Variants in CBLB observed in about 807,000 individuals in gnomAD.
CBLB encodes E3 ubiquitin-protein ligase CBL-B.
CBLB carries 31 observed loss-of-function variants against 104.9 expected under a neutral mutation model. The observed-to-expected ratio is 0.30, with a 90% CI of 0.22 to 0.40. The LOEUF (loss-of-function observed/expected upper bound fraction) is 0.40. Among genes scored for constraint, CBLB ranks in the 10% least tolerant of loss-of-function variants. The pLI, the probability that CBLB is intolerant of heterozygous loss-of-function variation, is 1.00. For missense variants in CBLB, 1,062 were observed against 1,214.6 expected (o/e 0.87, Z 1.87); for synonymous variants, 440 against 422.6 (o/e 1.04, Z -0.51).
At chr3:105,832,911 T>C (rs1228238826) in intron 3 of CBLB, among the ~76,000 whole-genome samples, 4 of 152,296 alleles carry the variant, frequency 2.6e-5, no homozygotes, top group Non-Finnish European at 4.4e-5. Context: ...GATAAAATAA[T>C]GTGTCAAAAC....
chr3:105,675,884 CAAA>C (rs71111383), intron 17 of CBLB, among the ~76,000 whole-genome samples: 10 of 81,878 alleles, frequency 1.2e-4, no homozygotes, highest in South Asian at 4.8e-4. Flanking sequence ...GACCCTGTCT[CAAA>C]AAAAAAAAAA....
In CBLB at chr3:105,868,951, A is replaced by T. The variant is rs987236025; in HGVS notation, c.-230T>A. ...CACACCCGCTCTCCCCTCCCGCCCG[A>T]CTCGGGGAGGCCGCGGGACGCCGCA... On this transcript the variant is annotated 5_prime_UTR_variant, in exon 1 of 19. Coordinates refer to ENST00000394030, the MANE Select transcript of CBLB (RefSeq NM_170662.5). 1.4e-5 allele frequency: 14 copies of T among 1,022,442 alleles called. No homozygotes were observed. Among genetic ancestry groups the T allele is most frequent in the African/African-American group, 1.7e-5 (1 of 57,250 alleles). 63.3% of individuals were successfully genotyped at this position (1,022,442 alleles called of 1,614,324 possible).
intron 3 of CBLB, among the ~76,000 whole-genome samples, chr3:105,808,385 T>G (rs1157843219): frequency 9.9e-5 from 15 of 152,234 alleles, no homozygotes; most frequent in African/African-American, 3.6e-4. Flanking sequence ...GTATTTGTTT[T>G]GTAGTCTTTA....
chr3:105,698,912 T>C (rs939653402), intron 12 of CBLB, among the ~76,000 whole-genome samples: 3 of 152,104 alleles, frequency 2.0e-5, no homozygotes, highest in African/African-American at 7.2e-5. Context: ...AAAAATCCTA[T>C]TTTAAATAAG....
In CBLB at chr3:105,658,727, T is replaced by G; in HGVS notation, c.*243A>C. The G allele has an allele frequency of 1.8e-6, 1 of 548,818 alleles. No individual in the cohort carries two copies. The highest frequency in any genetic ancestry group is 2.9e-5 in the East Asian group (1 of 34,344). 34.0% of individuals were successfully genotyped at this position (548,818 alleles called of 1,614,324 possible). ...AAAGTTCAAGGGAAGTAAACGTCTT[T>G]AAATTATTTTTGTCAGTTCAACCCT... On this transcript the variant is annotated 3_prime_UTR_variant, in exon 19 of 19. Coordinates refer to ENST00000394030, the MANE Select transcript of CBLB (RefSeq NM_170662.5).
At chr3:105,747,454 A>C (rs1012420195) in intron 5 of CBLB, among the ~76,000 whole-genome samples, 9 of 152,176 alleles carry the variant, frequency 5.9e-5, no homozygotes, top group African/African-American at 1.4e-4. Flanking sequence ...ACAAAGAATG[A>C]TTTAGTAATA....
intron 5 of CBLB, among the ~76,000 whole-genome samples, chr3:105,750,451 T>C (rs1024502012): frequency 6.6e-6 from 1 of 152,212 alleles, no homozygotes; most frequent in African/African-American, 2.4e-5. Context: ...AGAATCAATG[T>C]TACTTCAGAT....
chr3:105,753,604 G>A (rs2076782730), intron 4 of CBLB, among the ~76,000 whole-genome samples: 1 of 152,108 alleles, frequency 6.6e-6, no homozygotes, highest in Admixed American at 6.6e-5. Context: ...CTTCAGAACA[G>A]TATAAATTTT....
At chr3:105,861,354 T>C (rs371799496) in intron 2 of CBLB, among the ~76,000 whole-genome samples, 5 of 152,316 alleles carry the variant, frequency 3.3e-5, no homozygotes, top group East Asian at 3.9e-4. Context: ...TATTTCATGA[T>C]ATAAAAATTA....
chr3:105,752,128 T>C (rs1270886505), intron 4 of CBLB, among the ~76,000 whole-genome samples: 1 of 152,228 alleles, frequency 6.6e-6, no homozygotes, highest in East Asian at 1.9e-4. Flanking sequence ...TGATGTTTTC[T>C]GCAGAGATGA....
intron 3 of CBLB, among the ~76,000 whole-genome samples, chr3:105,837,661 T>C (rs889801315): frequency 2.6e-5 from 4 of 152,212 alleles, no homozygotes; most frequent in East Asian, 1.9e-4. Context: ...TGTCCAAGAA[T>C]GTTATTACAG....
In CBLB at chr3:105,866,645, T is replaced by C. The variant is rs551883744; in HGVS notation, c.168+765A>G. On this transcript the variant is annotated intron_variant, in intron 2 of 18. Coordinates refer to ENST00000394030, the MANE Select transcript of CBLB (RefSeq NM_170662.5). The stretch of plus-strand genomic sequence containing the variant: ...TAAGGTAGGATACTGACAGCTACAG[T>C]TTCTGAGTAAATCTCTGTAAGGTAT... Among the ~76,000 whole-genome samples, 3 of 152,342 alleles carry C rather than the reference T, an allele frequency of 2.0e-5. No homozygotes were observed. The East Asian group carries it at 5.8e-4, about 29-fold the overall frequency.
At chr3:105,834,668 A>AAAAAG (rs3049474) in intron 3 of CBLB, among the ~76,000 whole-genome samples, 136,880 of 151,778 alleles carry the variant, frequency 0.9, 62,139 homozygotes, top group Non-Finnish European at 0.96. Flanking sequence ...AAAAGAAAAG[A>AAAAAG]AAATCAAGTA....
At chr3:105,780,749 A>G (rs9288819) in intron 3 of CBLB, among the ~76,000 whole-genome samples, 146,636 of 148,650 alleles carry the variant, frequency 0.99, 72,350 homozygotes, top group Non-Finnish European at 1. Flanking sequence ...TGCCAGCTCC[A>G]CCTCCCAGGT....
At chr3:105,808,306 A>G (rs2083790719) in intron 3 of CBLB, among the ~76,000 whole-genome samples, 1 of 152,212 alleles carries the variant, frequency 6.6e-6, no homozygotes, top group Non-Finnish European at 1.5e-5. Flanking sequence ...ACAAAAACTT[A>G]TAAAAGATCT....
At chr3:105,686,741 C>T (rs2067057701) in intron 13 of CBLB, among the ~76,000 whole-genome samples, 1 of 151,936 alleles carries the variant, frequency 6.6e-6, no homozygotes, top group Non-Finnish European at 1.5e-5. Flanking sequence ...TTTATTGATA[C>T]CTATCTTTGA....
At chr3:105,767,844 A>G (rs1232180629) in intron 4 of CBLB, among the ~76,000 whole-genome samples, 3 of 152,180 alleles carry the variant, frequency 2.0e-5, no homozygotes, top group African/African-American at 7.2e-5. Flanking sequence ...AAAACCAACT[A>G]GATTCCCCAA....
chr3:105,669,703 T>C (rs1000694766), intron 18 of CBLB, among the ~76,000 whole-genome samples: 2 of 152,178 alleles, frequency 1.3e-5, no homozygotes, highest in African/African-American at 4.8e-5. Context: ...AGGAGCTATT[T>C]AGATATGTTC....
chr3:105,837,937 C>T (rs770689237), intron 3 of CBLB, among the ~76,000 whole-genome samples: 50 of 152,204 alleles, frequency 3.3e-4, no homozygotes, highest in Middle Eastern at 3.4e-3. Flanking sequence ...TCTAGGAATA[C>T]ATCAGGATTT....
Sources: gnomAD v4.1 joint callset for allele counts (sites outside exome capture counted in the v4.1 genomes callset) on GRCh38, gnomAD v4.1.1 for gene constraint, MANE v1.5 for transcripts, NCBI Gene and HGNC (gene_info 2026-07-23, HGNC 2026-07-21) for gene names.